Variants in TRAF3IP1 observed in about 807,000 individuals in gnomAD.
The protein encoded by TRAF3IP1 is TRAF3-interacting protein 1.
A neutral mutation model predicts 89.9 loss-of-function variants in TRAF3IP1; 53 were observed. The observed-to-expected ratio is 0.59, with a 90% CI of 0.47 to 0.74. TRAF3IP1 has a LOEUF of 0.74. Ranked by LOEUF, TRAF3IP1 falls within the 30% of genes least tolerant of loss-of-function variation. The probability of loss-of-function intolerance (pLI) is 0.00; values close to 1 mark genes in which losing one functional copy is unlikely to be tolerated. For synonymous variants in TRAF3IP1, 311 were observed against 322.1 expected (o/e 0.97, Z 0.37); for missense variants, 806 against 866.1 (o/e 0.93, Z 0.87).
At position 238,328,978 on chromosome 2, in the gene TRAF3IP1, A is replaced by G; in HGVS notation, c.551A>G (p.Gln184Arg). The G allele has an allele frequency of 6.4e-7, 1 of 1,552,768 alleles. No homozygotes were observed. The highest frequency in any genetic ancestry group is 1.2e-5 in the South Asian group (1 of 84,358). Residue 184 changes from glutamine to arginine, a missense_variant, in exon 5 of 17, where the codon CAG becomes CGG. By Grantham distance (43) the Gln-to-Arg change is conservative. Transcript: ENST00000373327. Reference protein sequence around the residue: ...KERSTSRDRKQKEELKEDRKP... With the variant: ...KERSTSRDRKRKEELKEDRKP... ...AGAAGTACAAGCAGAGATCGAAAAC[A>G]GAAGGAAGAATTGAAAGAAGACCGC...
At chr2:238,355,960 A>G (rs560693852) in intron 14 of TRAF3IP1, 44 bp from the exon 15 acceptor site, 6 of 1,469,240 alleles carry the variant, frequency 4.1e-6, no homozygotes, top group East Asian at 2.3e-5. Context: ...GGTTTTTGGG[A>G]TAGAGAATAA....
At chr2:238,332,380 T>A (rs1313371028) in intron 5 of TRAF3IP1, among the ~76,000 whole-genome samples, 1 of 152,196 alleles carries the variant, frequency 6.6e-6, no homozygotes, top group African/African-American at 2.4e-5. Flanking sequence ...GTAAAAAGAA[T>A]TGCCCCATTC....
rs2106389262 is a variant in TRAF3IP1, at chr2:238,398,978, G to A, written c.*59G>A. 1.4e-6 allele frequency: 2 copies of A among 1,438,274 alleles called. No homozygotes were observed. The highest frequency in any genetic ancestry group is 1.4e-5 in the South Asian group (1 of 73,870). The allele number at this position is 1,438,274 out of a possible 1,614,324, so 89.1% of individuals were successfully genotyped here. A position where few individuals can be genotyped will look rare whatever the true frequency, so the allele number is the denominator to read the frequency against. On this transcript the variant is annotated 3_prime_UTR_variant, in exon 17 of 17. Coordinates refer to ENST00000373327, the MANE Select transcript of TRAF3IP1 (RefSeq NM_015650.4). ...CAGTTTAAAAGCAAAAAGGAAGATA[G>A]AAAATCATTACTCTTTTAAGTTCCA...
rs1292889427 is a variant in TRAF3IP1, at chr2:238,344,488, T to G, written c.1160-9T>G. Reference sequence around the variant, plus strand: ...TCTTAATGACTAATTTTAAACTGTTTTATGTCAGGAACAAAAGAAGCTAAT... The same window carrying G: ...TCTTAATGACTAATTTTAAACTGTTGTATGTCAGGAACAAAAGAAGCTAAT... On this transcript the variant is annotated splice_polypyrimidine_tract_variant and intron_variant, in intron 8 of 16. Coordinates refer to ENST00000373327, the MANE Select transcript of TRAF3IP1 (RefSeq NM_015650.4). 8.1e-6 allele frequency: 13 copies of G among 1,612,072 alleles called. No homozygotes were observed. The highest frequency in any genetic ancestry group is 1.1e-5 in the South Asian group (1 of 91,048).
At chr2:238,348,090 C>T (rs1698979659) in intron 10 of TRAF3IP1, among the ~76,000 whole-genome samples, 1 of 151,424 alleles carries the variant, frequency 6.6e-6, no homozygotes, top group Admixed American at 6.6e-5. Flanking sequence ...GTAAACTTGT[C>T]TTAATAGTTT....
chr2:238,381,737 G>A (rs1224466604), intron 15 of TRAF3IP1, among the ~76,000 whole-genome samples: 3 of 152,234 alleles, frequency 2.0e-5, no homozygotes, highest in African/African-American at 7.2e-5. Flanking sequence ...GAGGGTTCAT[G>A]AAGCACCTCA....
chr2:238,395,803 G>A (rs1425342719), intron 15 of TRAF3IP1, among the ~76,000 whole-genome samples: 1 of 152,218 alleles, frequency 6.6e-6, no homozygotes, highest in African/African-American at 2.4e-5. Flanking sequence ...GGCCATCAGA[G>A]ATATGCAAAT....
At chr2:238,349,895 C>T (rs957881417) in intron 12 of TRAF3IP1, among the ~76,000 whole-genome samples, 2 of 151,934 alleles carry the variant, frequency 1.3e-5, no homozygotes, top group African/African-American at 4.8e-5. Flanking sequence ...TGTGGTGAAA[C>T]CCCCGTCTCT....
In TRAF3IP1 at chr2:238,363,523, T is replaced by C. The variant is rs370962876; in HGVS notation, c.1689+7443T>C. ...ATATCTAATGTAATGAAATTGATTA[T>C]TTGGAATTGATGAGACTTTTAATGT... On this transcript the variant is annotated intron_variant, in intron 15 of 16. Coordinates refer to ENST00000373327, the MANE Select transcript of TRAF3IP1 (RefSeq NM_015650.4). 3.9e-5 allele frequency among the ~76,000 whole-genome samples: 6 copies of C among 152,310 alleles called. No individual in the cohort carries two copies. The East Asian group carries it at 9.6e-4, about 24-fold the overall frequency.
In TRAF3IP1 at chr2:238,397,448, CCTGA is replaced by C; in HGVS notation, c.1690-7_1690-4del. The C allele has an allele frequency of 6.2e-7, 1 of 1,612,134 alleles. No homozygotes were observed. The highest frequency in any genetic ancestry group is 8.5e-7 in the Non-Finnish European group (1 of 1,179,444). ...AGGCGTGTTCCTCTTCCTATGTCTCCCTGACTGTAGGAGCGATCTCTCTTTGAGT... is the reference window on the plus strand; with the variant it reads ...AGGCGTGTTCCTCTTCCTATGTCTCCCTGTAGGAGCGATCTCTCTTTGAGT... On this transcript the variant is annotated splice_region_variant and splice_polypyrimidine_tract_variant and intron_variant, in intron 15 of 16. Transcript: ENST00000373327.
At chr2:238,339,987 A>T (rs1309904938) in intron 8 of TRAF3IP1, among the ~76,000 whole-genome samples, 1 of 143,728 alleles carries the variant, frequency 7.0e-6, no homozygotes, top group Admixed American at 7.4e-5. Context: ...ATTGGGATGG[A>T]GCCTGATGCC....
chr2:238,384,337 G>GATGGATGT (rs71402785), intron 15 of TRAF3IP1, among the ~76,000 whole-genome samples: 2 of 139,638 alleles, frequency 1.4e-5, no homozygotes, highest in African/African-American at 2.7e-5. Context: ...GAATCAACCT[G>GATGGATGT]ATGTATGTAT....
intron 15 of TRAF3IP1, among the ~76,000 whole-genome samples, chr2:238,362,463 C>G (rs576597611): frequency 6.6e-6 from 1 of 152,142 alleles, no homozygotes; most frequent in African/African-American, 2.4e-5. Flanking sequence ...GTGACCCTGA[C>G]GCCTTCTGCC....
At chr2:238,353,295 A>G (rs761268465) in intron 14 of TRAF3IP1, 86 bp downstream of exon 14, 263 of 1,468,624 alleles carry the variant, frequency 1.8e-4, no homozygotes, top group Non-Finnish European at 2.4e-4. Flanking sequence ...GATCCAGTGC[A>G]AGGGACTGTT....
chr2:238,357,476 CAT>C (rs1699469544), intron 15 of TRAF3IP1, among the ~76,000 whole-genome samples: 3 of 152,180 alleles, frequency 2.0e-5, no homozygotes, highest in African/African-American at 7.2e-5. Flanking sequence ...TTTTGCTTAA[CAT>C]GTCCTAGTTT....
rs115112259 is a variant in TRAF3IP1, at chr2:238,322,973, T to C, written c.123+2188T>C. Among the ~76,000 whole-genome samples the C allele has an allele frequency of 3.0e-3, 456 of 152,342 alleles. 2 individuals are homozygous for C. The highest frequency in any genetic ancestry group is 5.5e-3 in the Non-Finnish European group (376 of 68,040). On this transcript the variant is annotated intron_variant, in intron 1 of 16. Transcript: ENST00000373327. Reference sequence around the variant, plus strand: ...ACTGTACTGAATATTATACACACATTGCTATATTAGTATTTTAGCTATAGC... The same window carrying C: ...ACTGTACTGAATATTATACACACATCGCTATATTAGTATTTTAGCTATAGC...
intron 15 of TRAF3IP1, among the ~76,000 whole-genome samples, chr2:238,389,313 G>C (rs1282270129): frequency 6.6e-6 from 1 of 151,994 alleles, no homozygotes; most frequent in Non-Finnish European, 1.5e-5. Flanking sequence ...GGCTTCTCGT[G>C]TACCCATCAC....
intron 8 of TRAF3IP1, among the ~76,000 whole-genome samples, chr2:238,342,603 T>C (rs977862118): frequency 1.3e-5 from 2 of 152,248 alleles, no homozygotes; most frequent in African/African-American, 4.8e-5. Flanking sequence ...TTTGACACTT[T>C]GAAATCAAGT....
At chr2:238,376,167 G>A (rs1184701833) in intron 15 of TRAF3IP1, among the ~76,000 whole-genome samples, 5 of 152,202 alleles carry the variant, frequency 3.3e-5, no homozygotes, top group South Asian at 2.1e-4. Context: ...ATGCATGAGC[G>A]TGGCTGGTTT....
Sources: allele counts gnomAD v4.1 joint callset (sites outside exome capture counted in the v4.1 genomes callset), GRCh38; gene constraint gnomAD v4.1.1; transcripts MANE v1.5; gene names NCBI Gene and HGNC (gene_info 2026-07-23, HGNC 2026-07-21).